MPPED2: variants seen among roughly 807,000 people sequenced by gnomAD.
MPPED2 encodes the protein metallophosphoesterase domain containing 2, also known as metallophosphoesterase MPPED2.
Under a neutral mutation model 33.0 loss-of-function variants are expected in MPPED2, and 5 were observed. That is an observed-to-expected ratio of 0.15 (90% CI 0.08 to 0.32). MPPED2 has a LOEUF of 0.32. Ranked by LOEUF, MPPED2 falls within the 10% of genes least tolerant of loss-of-function variation. The pLI is 1.00. For synonymous variants in MPPED2, 136 were observed against 141.9 expected (o/e 0.96, Z 0.29); for missense variants, 275 against 372.1 (o/e 0.74, Z 2.15).
At chr11:30,427,699 A>C (rs371369790) in intron 4 of MPPED2, among the ~76,000 whole-genome samples, 19 of 152,356 alleles carry the variant, frequency 1.2e-4, no homozygotes, top group African/African-American at 4.6e-4. Context: ...ATCAGTATGA[A>C]TTCAAACATG....
intron 3 of MPPED2, among the ~76,000 whole-genome samples, chr11:30,501,148 C>T (rs1210238539): frequency 6.6e-6 from 1 of 152,188 alleles, no homozygotes; most frequent in African/African-American, 2.4e-5. Flanking sequence ...TCTATATTCA[C>T]TCAACAGACA....
At chr11:30,480,948 T>C (rs1049456951) in intron 4 of MPPED2, among the ~76,000 whole-genome samples, 6 of 152,072 alleles carry the variant, frequency 3.9e-5, no homozygotes, top group Non-Finnish European at 8.8e-5. Context: ...GATAAGAAAA[T>C]TGAGATACAG....
At chr11:30,443,350 G>A (rs938946950) in intron 4 of MPPED2, among the ~76,000 whole-genome samples, 1 of 152,150 alleles carries the variant, frequency 6.6e-6, no homozygotes, top group African/African-American at 2.4e-5. Flanking sequence ...TTTCAGTGGA[G>A]GCACCTGGGG....
At chr11:30,431,685 T>A (rs1296765440) in intron 4 of MPPED2, among the ~76,000 whole-genome samples, 6 of 152,208 alleles carry the variant, frequency 3.9e-5, no homozygotes, top group Non-Finnish European at 7.3e-5. Context: ...CTATAGCCAT[T>A]GAATTTACTC....
intron 4 of MPPED2, among the ~76,000 whole-genome samples, chr11:30,494,804 T>G (rs1590563393): frequency 1.4e-5 from 2 of 146,854 alleles, no homozygotes; most frequent in African/African-American, 5.1e-5. Context: ...AAAGAAAATA[T>G]TGGAAAAAGG....
intron 2 of MPPED2, among the ~76,000 whole-genome samples, chr11:30,541,591 C>T (rs543381255): frequency 2.0e-5 from 3 of 152,296 alleles, no homozygotes; most frequent in Admixed American, 1.3e-4. Flanking sequence ...ATGGATTCCA[C>T]TGAGGTTTTC....
At chr11:30,502,617 A>T (rs988383519) in intron 3 of MPPED2, among the ~76,000 whole-genome samples, 4 of 152,162 alleles carry the variant, frequency 2.6e-5, no homozygotes, top group African/African-American at 4.8e-5. Context: ...TTGTTGCTAC[A>T]ATTATGAGGA....
In MPPED2 at chr11:30,579,622, G is replaced by A. The variant is rs1170958245; in HGVS notation, c.128+624C>T. Among the ~76,000 whole-genome samples the A allele has an allele frequency of 2.0e-5, 3 of 152,240 alleles. No individual in the cohort carries two copies. The East Asian group carries it at 5.8e-4, about 29-fold the overall frequency. On this transcript the variant is annotated intron_variant, in intron 2 of 6. Transcript: ENST00000358117. The stretch of plus-strand genomic sequence containing the variant: ...CCTCAACATGACTTAAATAGTATTA[G>A]GGAGTGAGAGGAAAGTACAATTCCT...
intron 2 of MPPED2, among the ~76,000 whole-genome samples, chr11:30,554,386 C>A (rs1955867473): frequency 6.6e-6 from 1 of 152,182 alleles, no homozygotes; most frequent in African/African-American, 2.4e-5. Context: ...CCAGGGACTG[C>A]AGTATGTCCT....
At chr11:30,408,556 C>A (rs181089440), downstream of MPPED2, among the ~76,000 whole-genome samples, 2 of 152,096 alleles carry the variant, frequency 1.3e-5, no homozygotes, top group East Asian at 3.9e-4. Flanking sequence ...GTGATCCGCC[C>A]GCCTCAGCCT....
Position 30,459,653 on chromosome 11 carries a change from G to A in MPPED2, c.536+35643C>T, listed in dbSNP as rs1950440355. Among the ~76,000 whole-genome samples, 4 of 152,042 alleles carry A rather than the reference G, an allele frequency of 2.6e-5. No individual in the cohort carries two copies. In the South Asian group the frequency reaches 6.2e-4, roughly 24 times the overall value. ...CTTCACATAGAAGCTCTCTCTCTCTGGTATCATATTATTCCAAGAAGTAGA... is the reference window on the plus strand; with the variant it reads ...CTTCACATAGAAGCTCTCTCTCTCTAGTATCATATTATTCCAAGAAGTAGA... On this transcript the variant is annotated intron_variant, in intron 4 of 6. Transcript: ENST00000358117.
At chr11:30,455,871 C>G (rs1048855290) in intron 4 of MPPED2, among the ~76,000 whole-genome samples, 1 of 152,176 alleles carries the variant, frequency 6.6e-6, no homozygotes, top group African/African-American at 2.4e-5. Context: ...ACCTGACAGC[C>G]GTTCTGCTCT....
chr11:30,495,396 G>A lies in MPPED2; in HGVS notation c.436C>T (p.Pro146Ser). The A allele has an allele frequency of 6.2e-7, 1 of 1,613,826 alleles. No homozygotes were observed. The highest frequency in any genetic ancestry group is 1.3e-5 in the African/African-American group (1 of 75,024). ...YRFPSVSKLK[P>S]EDFDNVQSLL... is the part of the protein sequence containing the mutation. The stretch of plus-strand genomic sequence containing the variant: ...GACTGAACATTGTCAAAGTCCTCTG[G>A]TTTCAATTTGGACACAGAGGGGAAA... The change falls in exon 4 of 7, where the codon CCA becomes TCA. Residue 146 changes from proline to serine, a missense_variant. Physicochemically the swap from Pro to Ser is moderately conservative, Grantham distance 74 (BLOSUM62 -1). Transcript: ENST00000358117.
At chr11:30,455,621 A>AG (rs1950248560) in intron 4 of MPPED2, among the ~76,000 whole-genome samples, 1 of 152,240 alleles carries the variant, frequency 6.6e-6, no homozygotes, top group African/African-American at 2.4e-5. Context: ...GGTGGCTTCT[A>AG]CAACTTACGC....
intron 3 of MPPED2, among the ~76,000 whole-genome samples, chr11:30,512,116 C>A (rs954197367): frequency 6.6e-6 from 1 of 152,130 alleles, no homozygotes; most frequent in Non-Finnish European, 1.5e-5. Flanking sequence ...ACCAAATAGG[C>A]AGTAGTAACG....
In MPPED2 at chr11:30,518,113, C is replaced by T. The variant is rs146444897; in HGVS notation, c.310+17881G>A. Among the ~76,000 whole-genome samples the T allele has an allele frequency of 4.6e-3, 693 of 152,286 alleles. 3 individuals carry two copies. Among genetic ancestry groups the T allele is most frequent in the Non-Finnish European group, 7.8e-3 (530 of 68,028 alleles). On this transcript the variant is annotated intron_variant, in intron 3 of 6. Coordinates refer to ENST00000358117, the MANE Select transcript of MPPED2 (RefSeq NM_001584.3). ...AGAGTTTATGGTAGATTATGAGCCA[C>T]AGAACAGCTACCAAGAACCACACAC... is the stretch of plus-strand genomic sequence containing the variant.
chr11:30,413,117 G>T (rs1465372372), intron 6 of MPPED2, among the ~76,000 whole-genome samples: 1 of 152,190 alleles, frequency 6.6e-6, no homozygotes, highest in African/African-American at 2.4e-5. Context: ...GCTGGTACCT[G>T]CCCTTGGAGC....
intron 6 of MPPED2, among the ~76,000 whole-genome samples, chr11:30,404,767 G>C (rs1947963535): frequency 6.6e-6 from 1 of 152,090 alleles, no homozygotes; most frequent in Admixed American, 6.6e-5. Flanking sequence ...TAAATACTGG[G>C]TCTTACAAAT....
At chr11:30,573,310 T>C (rs1956785996) in intron 2 of MPPED2, among the ~76,000 whole-genome samples, 1 of 152,158 alleles carries the variant, frequency 6.6e-6, no homozygotes, top group Non-Finnish European at 1.5e-5. Flanking sequence ...TGGTATAAAG[T>C]ATAGCACATC....
Sources: gnomAD v4.1 joint callset for allele counts (sites outside exome capture counted in the v4.1 genomes callset) on GRCh38, gnomAD v4.1.1 for gene constraint, MANE v1.5 for transcripts, NCBI Gene and HGNC (gene_info 2026-07-23, HGNC 2026-07-21) for gene names.